Variants in TMPRSS11A observed in about 807,000 individuals in gnomAD.
TMPRSS11A encodes the protein transmembrane protease serine 11A.
TMPRSS11A carries 53 observed loss-of-function variants against 58.9 expected under a neutral mutation model. The observed-to-expected ratio is 0.90, with a 90% CI of 0.72 to 1.13. The LOEUF (loss-of-function observed/expected upper bound fraction) is 1.13, where lower values mean the gene tolerates loss of function less well. Ranked by LOEUF, TMPRSS11A falls within the 50% of genes most tolerant of loss-of-function variation. The probability of loss-of-function intolerance (pLI) is 0.00; values close to 1 mark genes in which losing one functional copy is unlikely to be tolerated. For synonymous variants in TMPRSS11A, 167 were observed against 169.8 expected (o/e 0.98, Z 0.13); for missense variants, 493 against 499.3 (o/e 0.99, Z 0.12).
At chr4:67,945,385 G>A (rs762558446) in intron 2 of TMPRSS11A, among the ~76,000 whole-genome samples, 2 of 152,122 alleles carry the variant, frequency 1.3e-5, no homozygotes, top group African/African-American at 2.4e-5. Flanking sequence ...AGTGGGTTTC[G>A]AGACTACAAA....
intron 3 of TMPRSS11A, among the ~76,000 whole-genome samples, chr4:67,943,219 AACATGC>A (rs972328843): frequency 6.6e-6 from 1 of 152,180 alleles, no homozygotes; most frequent in African/African-American, 2.4e-5. Flanking sequence ...GTTTCTGTTC[AACATGC>A]ACCTCCGCAT....
At chr4:67,915,268 G>A (rs963226846) in intron 8 of TMPRSS11A, among the ~76,000 whole-genome samples, 1 of 152,110 alleles carries the variant, frequency 6.6e-6, no homozygotes, top group Non-Finnish European at 1.5e-5. Context: ...ACAAGTTGGT[G>A]GCTGCAGACT....
At chr4:67,932,775 G>C (rs1034279912) in intron 3 of TMPRSS11A, among the ~76,000 whole-genome samples, 3 of 152,026 alleles carry the variant, frequency 2.0e-5, no homozygotes, top group African/African-American at 7.2e-5. Flanking sequence ...GTGGACTCTA[G>C]GGTAAATCAG....
intron 8 of TMPRSS11A, 78 bp downstream of exon 8, chr4:67,918,895 A>G (rs1720231389): frequency 6.0e-6 from 9 of 1,505,574 alleles, no homozygotes; most frequent in Non-Finnish European, 8.2e-6. Context: ...AATGGCTGTC[A>G]GGATAATATT....
At chr4:67,930,623 C>T (rs1401020989) in intron 4 of TMPRSS11A, among the ~76,000 whole-genome samples, 2 of 151,762 alleles carry the variant, frequency 1.3e-5, no homozygotes, top group African/African-American at 4.8e-5. Flanking sequence ...TTGTGGTCCC[C>T]GAGTCTTCTC....
chr4:67,922,876 C>A lies in TMPRSS11A; in HGVS notation c.571G>T (p.Val191Phe). The change falls in exon 7 of 10, where the codon GTC becomes TTC. Residue 191 changes from valine (V) to phenylalanine (F), a missense_variant. Val to Phe is a conservative substitution (Grantham distance 50). Coordinates refer to ENST00000508048, the MANE Select transcript of TMPRSS11A (RefSeq NM_001114387.2). ...GGCCAGGCCGCCTTGGGTGCAATGA[C>A]TCCAGATGCTATTCTGTTGACGTTT... Reference protein sequence around the residue: ...PLNVNRIASGVIAPKAAWPWQ... With the variant: ...PLNVNRIASGFIAPKAAWPWQ... 6.2e-7 allele frequency: 1 copy of A among 1,614,158 alleles called. No homozygotes were observed. Among genetic ancestry groups the A allele is most frequent in the Non-Finnish European group, 8.5e-7 (1 of 1,180,024 alleles).
chr4:67,928,066 G>A (rs4429773), intron 5 of TMPRSS11A, among the ~76,000 whole-genome samples: 75,533 of 151,934 alleles, frequency 0.5, 19,606 homozygotes, highest in East Asian at 0.67. Context: ...TTTTGGAGAT[G>A]GAGTCTTGCT....
intron 3 of TMPRSS11A, among the ~76,000 whole-genome samples, chr4:67,940,596 T>C (rs1720856251): frequency 6.6e-6 from 1 of 152,236 alleles, no homozygotes; most frequent in South Asian, 2.1e-4. Flanking sequence ...GTTACCTCTA[T>C]CATTTCTGAT....
chr4:67,928,099 CA>C (rs1456082378), intron 5 of TMPRSS11A, among the ~76,000 whole-genome samples: 1 of 152,166 alleles, frequency 6.6e-6, no homozygotes, highest in African/African-American at 2.4e-5. Context: ...GGCTTGAGTG[CA>C]GTGGCGCGAT....
intron 8 of TMPRSS11A, among the ~76,000 whole-genome samples, chr4:67,915,453 C>T (rs1254881527): frequency 6.6e-6 from 1 of 152,292 alleles, no homozygotes; most frequent in South Asian, 2.1e-4. Flanking sequence ...TGATTCCCCT[C>T]CTCCCAAATA....
At chr4:67,944,454 A>G (rs1720952311) in intron 3 of TMPRSS11A, 65 bp downstream of exon 3, 2 of 1,547,756 alleles carry the variant, frequency 1.3e-6, no homozygotes, top group East Asian at 2.3e-5. Context: ...AGAAATGGAG[A>G]AATGATCCAC....
intron 1 of TMPRSS11A, among the ~76,000 whole-genome samples, 168 bp from the exon 2 acceptor site, chr4:67,946,739 T>G (rs1031639167): frequency 2.3e-5 from 3 of 129,084 alleles, no homozygotes; most frequent in Non-Finnish European, 5.4e-5. Flanking sequence ...AAAAAAAAAA[T>G]CAGGATCTGG....
chr4:67,914,588 C>A lies in TMPRSS11A; in HGVS notation c.1095G>T (p.Arg365Ser). 2 of 1,613,046 alleles carry A rather than the reference C, an allele frequency of 1.2e-6. No homozygotes were observed. The highest frequency in any genetic ancestry group is 1.3e-5 in the African/African-American group (1 of 74,952). Residue 365 changes from arginine (R) to serine (S), a missense_variant and splice_region_variant, in exon 9 of 10, where the codon AGG becomes AGT. Transcript: ENST00000508048. The part of the protein sequence containing the change: ...GYMEGIYDAC[R>S]GDSGGPLVTR... Reference sequence around the variant, plus strand: ...ATATAAAAAAATCCCTCCAACTTACCCTGCAGGCATCATAAATTCCTTCCA... The same window carrying A: ...ATATAAAAAAATCCCTCCAACTTACACTGCAGGCATCATAAATTCCTTCCA...
Position 67,946,584 on chromosome 4 carries a change from A to T in TMPRSS11A, c.12-13T>A, listed in dbSNP as rs761615715. 6.2e-6 allele frequency: 10 copies of T among 1,605,404 alleles called. No homozygotes were observed. The South Asian group carries it at 1.0e-4, about 16-fold the overall frequency. On this transcript the variant is annotated splice_polypyrimidine_tract_variant and intron_variant, in intron 1 of 9. Transcript: ENST00000508048. ...AAATCCCACTGTCCTGAGAAAAGGAAGGGCCCACTGGTTACTCTCAGATAG... is the reference window on the plus strand; with the variant it reads ...AAATCCCACTGTCCTGAGAAAAGGATGGGCCCACTGGTTACTCTCAGATAG...
At chr4:67,941,635 A>T (rs993453425) in intron 3 of TMPRSS11A, among the ~76,000 whole-genome samples, 1 of 152,206 alleles carries the variant, frequency 6.6e-6, no homozygotes, top group African/African-American at 2.4e-5. Flanking sequence ...AATACCATAT[A>T]TTAGGAAAAG....
At position 67,945,124 on chromosome 4, in the gene TMPRSS11A, C is replaced by G. The variant is rs577584430; in HGVS notation, c.134-487G>C. The stretch of plus-strand genomic sequence containing the variant: ...GAATTTTGATTTTTAACAAGAGAGC[C>G]AGGCACACTAAGAAAAACCTGAAAA... On this transcript the variant is annotated intron_variant, in intron 2 of 9. Coordinates refer to ENST00000508048, the MANE Select transcript of TMPRSS11A (RefSeq NM_001114387.2). Among the ~76,000 whole-genome samples, 81 of 152,150 alleles carry G rather than the reference C, an allele frequency of 5.3e-4. No individual in the cohort carries two copies. The South Asian group carries it at 0.012, about 23-fold the overall frequency.
At chr4:67,936,600 T>C (rs1421829364) in intron 3 of TMPRSS11A, among the ~76,000 whole-genome samples, 1 of 152,174 alleles carries the variant, frequency 6.6e-6, no homozygotes, top group East Asian at 1.9e-4. Flanking sequence ...GATCATCAAA[T>C]GGGATGTGAT....
intron 1 of TMPRSS11A, among the ~76,000 whole-genome samples, chr4:67,960,671 G>A (rs1226233708): frequency 6.6e-6 from 1 of 152,092 alleles, no homozygotes; most frequent in South Asian, 2.1e-4. Flanking sequence ...TGCTATTTTT[G>A]TTTTAATTCT....
At chr4:67,935,885 C>T (rs1720740643) in intron 3 of TMPRSS11A, among the ~76,000 whole-genome samples, 1 of 152,090 alleles carries the variant, frequency 6.6e-6, no homozygotes, top group Admixed American at 6.6e-5. Flanking sequence ...TTGTGGAAAG[C>T]TCCTCCTTGG....
Sources: gnomAD v4.1 joint callset for allele counts (sites outside exome capture counted in the v4.1 genomes callset) on GRCh38, gnomAD v4.1.1 for gene constraint, MANE v1.5 for transcripts, NCBI Gene and HGNC (gene_info 2026-07-23, HGNC 2026-07-21) for gene names.